Variants in SPDYE16 observed in about 807,000 individuals in gnomAD.
The protein encoded by SPDYE16 is speedy/RINGO cell cycle regulator family member E16, also known as speedy protein E16.
Under a neutral mutation model 40.1 loss-of-function variants are expected in SPDYE16, and 5 were observed. That is an observed-to-expected ratio of 0.12 (90% CI 0.07 to 0.26). SPDYE16 has a LOEUF of 0.26. SPDYE16 is among the 10% of genes least tolerant of loss of function. The probability of loss-of-function intolerance (pLI) is 1.00; values close to 1 mark genes in which losing one functional copy is unlikely to be tolerated. For synonymous variants in SPDYE16, 40 were observed against 154.2 expected, an observed-to-expected ratio of 0.26 and a Z score of 5.49; for missense variants, 98 against 409.8, an observed-to-expected ratio of 0.24 and a Z score of 6.57.
chr7:76,541,191 G>A (rs1469138952), intron 2 of SPDYE16, 109 bp downstream of exon 2: 121 of 1,448,092 alleles, frequency 8.4e-5, no homozygotes, highest in Middle Eastern at 2.5e-4. Context: ...TGATCCGCCC[G>A]CCTCAGCCTC....
In SPDYE16 at chr7:76,539,447, CTTTTTTTTTTT is replaced by C. The variant is rs1193621613; in HGVS notation, c.380-642_380-632del. On this transcript the variant is annotated intron_variant, in intron 3 of 8. Transcript: ENST00000633306. ...CTGACTTCTGGGCCCGCCCTTCCTT[CTTTTTTTTTTT>C]TTTTTTTTTTTTTTGAGAGAGCGTC... is the stretch of plus-strand genomic sequence containing the variant. Among the ~76,000 whole-genome samples, 5 of 30,266 alleles carry C rather than the reference CTTTTTTTTTTT, an allele frequency of 1.7e-4. 2 individuals are homozygous for C. The highest frequency in any genetic ancestry group is 2.7e-4 in the Non-Finnish European group (5 of 18,786). The allele number at this position is 30,266 out of a possible 152,430, so 19.9% of individuals were successfully genotyped here.
In SPDYE16 at chr7:76,540,779, G is replaced by T. The variant is rs1317129880; in HGVS notation, c.161-433C>A. ...TGCCCAGCTCAATTTTGTACTTTTA[G>T]TAGAGACAGGGTTTCACCATGTTGG... On this transcript the variant is annotated intron_variant, in intron 2 of 8. Coordinates refer to ENST00000633306, the MANE Select transcript of SPDYE16 (RefSeq NM_001394943.1). Among the ~76,000 whole-genome samples, 2 of 129,352 alleles carry T rather than the reference G, an allele frequency of 1.5e-5. 1 individual carries two copies. The highest frequency in any genetic ancestry group is 7.0e-5 in the African/African-American group (2 of 28,658). The allele number at this position is 129,352 out of a possible 152,430, so 84.9% of individuals were successfully genotyped here. A position where few individuals can be genotyped will look rare whatever the true frequency, so the allele number is the denominator to read the frequency against.
intron 1 of SPDYE16, among the ~76,000 whole-genome samples, chr7:76,542,134 T>C (rs1813210780): frequency 6.6e-6 from 1 of 151,680 alleles, no homozygotes; most frequent in Non-Finnish European, 1.5e-5. Flanking sequence ...GAATACTGAC[T>C]TGATGAAAAA....
Position 76,539,432 on chromosome 7 carries a change from GGCCC to G in SPDYE16, c.380-620_380-617del, listed in dbSNP as rs1345768394. On this transcript the variant is annotated intron_variant, in intron 3 of 8. Transcript: ENST00000633306. ...CTCACGTGCTCCTTCCTGACTTCTG[GGCCC>G]GCCCTTCCTTCTTTTTTTTTTTTTT... Among the ~76,000 whole-genome samples, 14 of 93,512 alleles carry G rather than the reference GGCCC, an allele frequency of 1.5e-4. 1 individual carries two copies. Among genetic ancestry groups the G allele is most frequent in the Non-Finnish European group, 2.0e-4 (10 of 49,808 alleles). 61.3% of individuals were successfully genotyped at this position (93,512 alleles called of 152,430 possible).
Position 76,541,169 on chromosome 7 carries a change from C to G in SPDYE16, c.160+131G>C, listed in dbSNP as rs974484950. On this transcript the variant is annotated intron_variant, in intron 2 of 8. Transcript: ENST00000633306. Reference sequence around the variant, plus strand: ...ATATTGGCCAGGCTGGCCTTGAACTCCTGACCTCAGGTGATCCGCCCGCCT... The same window carrying G: ...ATATTGGCCAGGCTGGCCTTGAACTGCTGACCTCAGGTGATCCGCCCGCCT... The G allele has an allele frequency of 1.6e-5, 22 of 1,382,820 alleles. No homozygotes were observed. In the African/African-American group the frequency reaches 3.2e-4, roughly 20 times the overall value. 85.7% of individuals were successfully genotyped at this position (1,382,820 alleles called of 1,614,324 possible).
intron 1 of SPDYE16, among the ~76,000 whole-genome samples, chr7:76,542,660 TGTG>T (rs1484563666): frequency 2.1e-5 from 3 of 144,168 alleles, no homozygotes; most frequent in African/African-American, 7.6e-5. Context: ...ATTAGCCAGG[TGTG>T]GTGGCTGGCA....
At position 76,532,026 on chromosome 7, in the gene SPDYE16, T is replaced by C. The variant is rs1812937199; in HGVS notation, c.*814A>G. 1 of 79,772 alleles carries C rather than the reference T, an allele frequency of 1.3e-5. No homozygotes were observed. The highest frequency in any genetic ancestry group is 1.2e-4 in the Admixed American group (1 of 8,190). The allele number at this position is 79,772 out of a possible 1,614,324, so 4.9% of individuals were successfully genotyped here. ...ATAAAAATTTCTATCACCAGAATTA[T>C]GTTTTTTTCTGGTGGGGAACTACCA... On this transcript the variant is annotated 3_prime_UTR_variant, in exon 9 of 9. Transcript: ENST00000633306.
At position 76,532,017 on chromosome 7, in the gene SPDYE16, C is replaced by T. The variant is rs1192226789; in HGVS notation, c.*823G>A. 1.5e-4 allele frequency: 12 copies of T among 79,276 alleles called. 4 individuals carry two copies. Among genetic ancestry groups the T allele is most frequent in the African/African-American group, 8.5e-4 (12 of 14,140 alleles). 4.9% of individuals were successfully genotyped at this position (79,276 alleles called of 1,614,324 possible). On this transcript the variant is annotated 3_prime_UTR_variant, in exon 9 of 9. Transcript: ENST00000633306. ...AAACAGCAAATAAAAATTTCTATCA[C>T]CAGAATTATGTTTTTTTCTGGTGGG...
chr7:76,538,161 T>TC (rs1813076050), intron 4 of SPDYE16, among the ~76,000 whole-genome samples: 1 of 94,306 alleles, frequency 1.1e-5, no homozygotes. Flanking sequence ...TGTCTCAGCC[T>TC]CCCGAGTAGC....
At chr7:76,542,003 G>A (rs1358748051) in intron 1 of SPDYE16, among the ~76,000 whole-genome samples, 123 bp from the exon 2 acceptor site, 2 of 130,424 alleles carry the variant, frequency 1.5e-5, no homozygotes, top group African/African-American at 5.6e-5. Flanking sequence ...AGATTATCAT[G>A]TACAAGAGTG....
intron 1 of SPDYE16, among the ~76,000 whole-genome samples, chr7:76,542,100 A>G (rs1321232189): frequency 2.6e-5 from 4 of 151,784 alleles, no homozygotes; most frequent in South Asian, 4.2e-4. Flanking sequence ...CAAGAGTGAG[A>G]TTATCATGTA....
chr7:76,535,181 C>T (rs1459256325), intron 6 of SPDYE16, among the ~76,000 whole-genome samples: 1 of 112,010 alleles, frequency 8.9e-6, no homozygotes, highest in Non-Finnish European at 1.9e-5. Context: ...AGACAGAAAA[C>T]ACAAACACAA....
intron 6 of SPDYE16, among the ~76,000 whole-genome samples, chr7:76,534,568 C>T (rs1410435496): frequency 9.7e-6 from 1 of 103,256 alleles, no homozygotes; most frequent in Non-Finnish European, 2.0e-5. Flanking sequence ...CCAGCCTGGT[C>T]AACACGGAGA....
rs1290954297 is a variant in SPDYE16, at chr7:76,532,117, C to G, written c.*723G>C. 1 of 80,116 alleles carries G rather than the reference C, an allele frequency of 1.2e-5. No individual in the cohort carries two copies. Among genetic ancestry groups the G allele is most frequent in the Non-Finnish European group, 2.4e-5 (1 of 41,258 alleles). 5.0% of individuals were successfully genotyped at this position (80,116 alleles called of 1,614,324 possible). Reference sequence around the variant, plus strand: ...ATAAAAAGAGTGCTCACTTCAGGAGCACATATAATAATACAGAAACAAATT... The same window carrying G: ...ATAAAAAGAGTGCTCACTTCAGGAGGACATATAATAATACAGAAACAAATT... On this transcript the variant is annotated 3_prime_UTR_variant, in exon 9 of 9. Transcript: ENST00000633306.
chr7:76,534,492 A>T (rs1407715681), intron 6 of SPDYE16, among the ~76,000 whole-genome samples: 1 of 85,920 alleles, frequency 1.2e-5, no homozygotes, highest in Admixed American at 1.1e-4. Context: ...GCGGTGGCTC[A>T]TGCCTGTAAT....
At chr7:76,540,990 T>G (rs879568625) in intron 2 of SPDYE16, among the ~76,000 whole-genome samples, 2 of 119,718 alleles carry the variant, frequency 1.7e-5, no homozygotes, top group Admixed American at 8.4e-5. Flanking sequence ...TTTTTTTTTT[T>G]GGAGTGCAGT....
chr7:76,537,680 G>A lies in SPDYE16; in HGVS notation c.611-129C>T, dbSNP rs534281764. On this transcript the variant is annotated intron_variant, in intron 4 of 8. Transcript: ENST00000633306. The stretch of plus-strand genomic sequence containing the variant: ...ATTGTGGCCGCGGGTGAGGTGGATG[G>A]GAGAGGGGAGAATGACTTTCACTGG... 9 of 484,826 alleles carry A rather than the reference G, an allele frequency of 1.9e-5. 2 individuals carry two copies. Among genetic ancestry groups the A allele is most frequent in the Admixed American group, 6.5e-5 (2 of 30,796 alleles). 30.0% of individuals were successfully genotyped at this position (484,826 alleles called of 1,614,324 possible).
intron 8 of SPDYE16, chr7:76,533,015 GCCCCA>G (rs1234277724): frequency 1.3e-6 from 1 of 792,498 alleles, no homozygotes; most frequent in African/African-American, 2.0e-5. Flanking sequence ...CCCAAGGTCA[GCCCCA>G]GTGATCTGCT....
In SPDYE16 at chr7:76,541,182, G is replaced by C. The variant is rs185097118; in HGVS notation, c.160+118C>G. On this transcript the variant is annotated intron_variant, in intron 2 of 8. Transcript: ENST00000633306. ...TGGCCTTGAACTCCTGACCTCAGGTGATCCGCCCGCCTCAGCCTCCCAAAG... is the reference window on the plus strand; with the variant it reads ...TGGCCTTGAACTCCTGACCTCAGGTCATCCGCCCGCCTCAGCCTCCCAAAG... The C allele has an allele frequency of 6.9e-3, 9,850 of 1,425,386 alleles. 704 individuals are homozygous for C. The African/African-American group carries it at 0.13, about 19-fold the overall frequency. The allele number at this position is 1,425,386 out of a possible 1,614,324, so 88.3% of individuals were successfully genotyped here.
Sources: gnomAD v4.1 joint callset for allele counts (sites outside exome capture counted in the v4.1 genomes callset) on GRCh38, gnomAD v4.1.1 for gene constraint, MANE v1.5 for transcripts, NCBI Gene and HGNC (gene_info 2026-07-23, HGNC 2026-07-21) for gene names.